PKP4: variants seen among roughly 807,000 people sequenced by gnomAD.
PKP4 encodes plakophilin 4.
A neutral mutation model predicts 145.1 loss-of-function variants in PKP4; 90 were observed. The observed-to-expected ratio is 0.62, with a 90% CI of 0.52 to 0.74. The LOEUF (loss-of-function observed/expected upper bound fraction) is 0.74. PKP4 is among the 30% of genes least tolerant of loss of function. PKP4 has a pLI of 0.00. For synonymous variants in PKP4, 563 were observed against 577.2 expected, an observed-to-expected ratio of 0.98 and a Z score of 0.35; for missense variants, 1,340 against 1,482.7, an observed-to-expected ratio of 0.90 and a Z score of 1.58.
chr2:158,651,871 C>G (rs1276704341), intron 11 of PKP4, among the ~76,000 whole-genome samples: 1 of 151,928 alleles, frequency 6.6e-6, no homozygotes, highest in East Asian at 2.0e-4. Flanking sequence ...TGTTGAGCTC[C>G]TGGCACACAG....
At chr2:158,619,642 A>G (rs1002884889) in intron 4 of PKP4, among the ~76,000 whole-genome samples, 7 of 152,192 alleles carry the variant, frequency 4.6e-5, no homozygotes, top group South Asian at 4.1e-4. Context: ...CCACAATGCA[A>G]TGCCAGGCAT....
intron 15 of PKP4, 98 bp downstream of exon 15, chr2:158,663,543 T>G: frequency 1.9e-6 from 2 of 1,055,912 alleles, no homozygotes; most frequent in Non-Finnish European, 2.8e-6. Context: ...TCAGCCCTGA[T>G]GGTGAAAGGG....
At chr2:158,542,310 A>T (rs996890033) in intron 2 of PKP4, among the ~76,000 whole-genome samples, 5 of 152,214 alleles carry the variant, frequency 3.3e-5, no homozygotes, top group Admixed American at 2.6e-4. Flanking sequence ...GCAAAGAATA[A>T]TGAAAAAGCA....
In PKP4 at chr2:158,464,600, A is replaced by G. The variant is rs139905722; in HGVS notation, c.-6+7382A>G. On this transcript the variant is annotated intron_variant, in intron 1 of 21. Coordinates refer to ENST00000389759, the MANE Select transcript of PKP4 (RefSeq NM_003628.6). ...AAAGGGAAGCATTAATTATACTACT[A>G]TTGTATGCAGTATTAAATGAATTGT... Among the ~76,000 whole-genome samples the G allele has an allele frequency of 4.6e-3, 699 of 152,356 alleles. 5 individuals are homozygous for G. The highest frequency in any genetic ancestry group is 0.014 in the African/African-American group (566 of 41,580).
intron 2 of PKP4, among the ~76,000 whole-genome samples, chr2:158,575,102 A>G (rs1167224176): frequency 1.3e-5 from 2 of 152,196 alleles, no homozygotes; most frequent in African/African-American, 2.4e-5. Flanking sequence ...GATTCCAGGA[A>G]CGGTGTCCAA....
intron 21 of PKP4, 78 bp from the exon 22 acceptor site, chr2:158,680,351 A>G: frequency 9.6e-7 from 1 of 1,045,720 alleles, no homozygotes; most frequent in Non-Finnish European, 1.4e-6. Context: ...ATGAAGCAGG[A>G]AGCCCACATT....
chr2:158,659,398 C>T (rs1463437068), intron 12 of PKP4: 1 of 152,236 alleles, frequency 6.6e-6, no homozygotes, highest in African/African-American at 2.4e-5. Flanking sequence ...CTGTAGCTCC[C>T]CCAGTGGGTC....
chr2:158,619,190 G>T (rs1276909623), intron 4 of PKP4, among the ~76,000 whole-genome samples: 2 of 152,168 alleles, frequency 1.3e-5, no homozygotes, highest in African/African-American at 4.8e-5. Flanking sequence ...TACTGTATAA[G>T]AATGTTTAGA....
chr2:158,496,203 A>T (rs917674498), intron 1 of PKP4, among the ~76,000 whole-genome samples: 1 of 151,874 alleles, frequency 6.6e-6, no homozygotes, highest in African/African-American at 2.4e-5. Flanking sequence ...CTGGTCTGGA[A>T]CTCCTGGCTT....
intron 17 of PKP4, among the ~76,000 whole-genome samples, chr2:158,672,608 G>A (rs115019132): frequency 0.012 from 1,792 of 152,292 alleles, 36 homozygotes; most frequent in African/African-American, 0.04. Flanking sequence ...GGCTGTCTTG[G>A]GTGCCTGAAA....
At chr2:158,501,922 C>T (rs1470591222) in intron 1 of PKP4, among the ~76,000 whole-genome samples, 1 of 152,126 alleles carries the variant, frequency 6.6e-6, no homozygotes, top group Non-Finnish European at 1.5e-5. Context: ...ATGTGTAAGA[C>T]CTCAGCAGCT....
chr2:158,633,703 A>G (rs1038378324), intron 8 of PKP4, among the ~76,000 whole-genome samples: 1 of 152,236 alleles, frequency 6.6e-6, no homozygotes, highest in African/African-American at 2.4e-5. Flanking sequence ...ATTACTTACA[A>G]ATTTGAATAA....
intron 7 of PKP4, among the ~76,000 whole-genome samples, chr2:158,628,483 C>T (rs2053032973): frequency 6.6e-6 from 1 of 152,070 alleles, no homozygotes; most frequent in African/African-American, 2.4e-5. Flanking sequence ...AAATAGTTTA[C>T]TACTATTTAT....
chr2:158,614,432 T>A (rs1378022547), intron 4 of PKP4, among the ~76,000 whole-genome samples: 1 of 152,202 alleles, frequency 6.6e-6, no homozygotes, highest in Non-Finnish European at 1.5e-5. Context: ...AGAAACCAAC[T>A]ATGAAATGGA....
At chr2:158,672,907 G>A (rs1307870294) in intron 17 of PKP4, among the ~76,000 whole-genome samples, 3 of 152,170 alleles carry the variant, frequency 2.0e-5, no homozygotes, top group African/African-American at 7.2e-5. Flanking sequence ...AAGTCAAACT[G>A]TCAAAGGAGC....
At chr2:158,480,919 A>G (rs1232019809) in intron 1 of PKP4, among the ~76,000 whole-genome samples, 1 of 152,158 alleles carries the variant, frequency 6.6e-6, no homozygotes, top group Admixed American at 6.5e-5. Flanking sequence ...TTCTGTCTTT[A>G]TGGATTCGCC....
chr2:158,511,601 C>G (rs1162316126), intron 1 of PKP4, among the ~76,000 whole-genome samples: 1 of 152,032 alleles, frequency 6.6e-6, no homozygotes, highest in Non-Finnish European at 1.5e-5. Context: ...TATATTTGCT[C>G]AATTAACTGT....
intron 1 of PKP4, among the ~76,000 whole-genome samples, chr2:158,463,224 A>C (rs1690052533): frequency 6.6e-6 from 1 of 152,198 alleles, no homozygotes; most frequent in Non-Finnish European, 1.5e-5. Flanking sequence ...GCTAGCCAAC[A>C]AGTATAGGAG....
At chr2:158,469,718 A>C (rs1235264284) in intron 1 of PKP4, among the ~76,000 whole-genome samples, 1 of 152,216 alleles carries the variant, frequency 6.6e-6, no homozygotes, top group Non-Finnish European at 1.5e-5. Flanking sequence ...TGACTGTACA[A>C]TCAGTCCTAA....
Sources: allele counts gnomAD v4.1 joint callset (sites outside exome capture counted in the v4.1 genomes callset), GRCh38; gene constraint gnomAD v4.1.1; transcripts MANE v1.5; gene names NCBI Gene and HGNC (gene_info 2026-07-23, HGNC 2026-07-21).